The following TBC1D23 variants were observed in gnomAD, a reference collection of about 807,000 sequenced individuals.
TBC1D23 encodes the protein TBC1 domain family member 23, also known as HCV non-structural protein 4A-transactivated protein 1.
A neutral mutation model predicts 91.4 loss-of-function variants in TBC1D23; 55 were observed. The observed-to-expected ratio is 0.60, with a 90% CI of 0.48 to 0.75. The LOEUF is 0.75. Ranked by LOEUF, TBC1D23 falls within the 30% of genes least tolerant of loss-of-function variation. The probability of loss-of-function intolerance (pLI) is 0.00; values close to 1 mark genes in which losing one functional copy is unlikely to be tolerated. For synonymous variants in TBC1D23, 289 were observed against 281.0 expected, an observed-to-expected ratio of 1.03 and a Z score of -0.28; for missense variants, 725 against 836.1, an observed-to-expected ratio of 0.87 and a Z score of 1.64.
rs6809618 is a variant in TBC1D23 at position 100,268,399 on chromosome 3, A to T, written c.53+7328A>T. Among the ~76,000 whole-genome samples the T allele has an allele frequency of 6.8e-3, 1,035 of 151,652 alleles. 15 individuals are homozygous for T. Among genetic ancestry groups the T allele is most frequent in the African/African-American group, 0.024 (995 of 41,336 alleles). On this transcript the variant is annotated intron_variant, in intron 1 of 18. Transcript: ENST00000394144. ...TTCCTTGATGGTTGGAATCCAGCTT[A>T]AAAAAAAACCCAATATGTATTTCTT...
At chr3:100,314,246 G>A (rs985456514) in intron 15 of TBC1D23, among the ~76,000 whole-genome samples, 3 of 151,744 alleles carry the variant, frequency 2.0e-5, no homozygotes, top group South Asian at 2.1e-4. Flanking sequence ...CTACAGGTGC[G>A]TGCCACCACA....
intron 4 of TBC1D23, among the ~76,000 whole-genome samples, chr3:100,285,435 A>G (rs147407909): frequency 1.3e-5 from 2 of 152,016 alleles, no homozygotes; most frequent in African/African-American, 4.8e-5. Flanking sequence ...TTTTTTGCCA[A>G]ATTTTTTATT....
intron 17 of TBC1D23, among the ~76,000 whole-genome samples, chr3:100,319,591 G>A (rs944162322): frequency 2.0e-5 from 3 of 151,926 alleles, no homozygotes; most frequent in Non-Finnish European, 4.4e-5. Flanking sequence ...ACCACCCCCG[G>A]CTAATTTTGT....
Position 100,299,590 on chromosome 3 carries a change from A to G in TBC1D23, c.1092+259A>G, listed in dbSNP as rs140034641. ...AATGGTGCGATCTCGGCTCACTGCA[A>G]CCTCTGCCTCCTGGGTTCAAGCTAT... On this transcript the variant is annotated intron_variant, in intron 10 of 18. Coordinates refer to ENST00000394144, the MANE Select transcript of TBC1D23 (RefSeq NM_001199198.3). Among the ~76,000 whole-genome samples, 712 of 152,080 alleles carry G rather than the reference A, an allele frequency of 4.7e-3. 2 individuals carry two copies. Among genetic ancestry groups the G allele is most frequent in the Non-Finnish European group, 6.4e-3 (432 of 67,972 alleles).
chr3:100,273,632 A>G lies in TBC1D23; in HGVS notation c.54-6017A>G, dbSNP rs917481998. On this transcript the variant is annotated intron_variant, in intron 1 of 18. Transcript: ENST00000394144. ...TGACTTCAAACTACACTACAGGGCTAAAGTAACCAAAACAGCAGGATACTG... is the reference window on the plus strand; with the variant it reads ...TGACTTCAAACTACACTACAGGGCTGAAGTAACCAAAACAGCAGGATACTG... Among the ~76,000 whole-genome samples the G allele has an allele frequency of 3.3e-5, 5 of 152,364 alleles. No homozygotes were observed. In the South Asian group the frequency reaches 8.3e-4, roughly 25 times the overall value.
Position 100,306,486 on chromosome 3 carries a change from A to G in TBC1D23, c.1356A>G (p.Gly452=). 6.2e-7 allele frequency: 1 copy of G among 1,612,798 alleles called. No homozygotes were observed. The highest frequency in any genetic ancestry group is 2.2e-5 in the East Asian group (1 of 44,848). ...ADINVDGPEN[G]YGHWIASTSG... is the part of the protein sequence containing the mutation. ...TTAATGTGGATGGACCAGAAAATGG[A>G]TATGGCCATTGGATTGCTAGTACCT... Residue 452 remains glycine (G), a synonymous_variant, in exon 13 of 19, where the codon GGA becomes GGG. Coordinates refer to ENST00000394144, the MANE Select transcript of TBC1D23 (RefSeq NM_001199198.3).
chr3:100,297,673 A>T (rs1705325040), intron 8 of TBC1D23, among the ~76,000 whole-genome samples: 1 of 145,674 alleles, frequency 6.9e-6, no homozygotes, highest in African/African-American at 2.6e-5. Flanking sequence ...GTGGTAGTAT[A>T]GAAAATAGCT....
chr3:100,294,133 T>C (rs1225514872), intron 5 of TBC1D23, among the ~76,000 whole-genome samples: 1 of 152,206 alleles, frequency 6.6e-6, no homozygotes, highest in Non-Finnish European at 1.5e-5. Context: ...CTAATGAAAG[T>C]TGAATGATCT....
rs151232681 is a variant in TBC1D23 at position 100,300,297 on chromosome 3, C to T, written c.1092+966C>T. Among the ~76,000 whole-genome samples, 711 of 152,050 alleles carry T rather than the reference C, an allele frequency of 4.7e-3. 2 individuals carry two copies. The highest frequency in any genetic ancestry group is 6.3e-3 in the Non-Finnish European group (429 of 67,974). On this transcript the variant is annotated intron_variant, in intron 10 of 18. Transcript: ENST00000394144. ...AAGTCTACCTTTCCCCTTCCCAACT[C>T]GTCTGAAAAATTTGATGCTGAACTG... is the stretch of plus-strand genomic sequence containing the variant.
In TBC1D23 at chr3:100,323,577, TC is replaced by T. The variant is rs1705902864; in HGVS notation, c.2019-5del. On this transcript the variant is annotated splice_polypyrimidine_tract_variant and intron_variant, in intron 18 of 18. Coordinates refer to ENST00000394144, the MANE Select transcript of TBC1D23 (RefSeq NM_001199198.3). The stretch of plus-strand genomic sequence containing the variant: ...TATATGTATATATATGTATTTTTTT[TC>T]CCCCTTAGGTATTTGATTCCAAATG... 2 of 1,411,284 alleles carry T rather than the reference TC, an allele frequency of 1.4e-6. No individual in the cohort carries two copies. The highest frequency in any genetic ancestry group is 2.5e-5 in the Admixed American group (1 of 40,304). 87.4% of individuals were successfully genotyped at this position (1,411,284 alleles called of 1,614,324 possible).
chr3:100,304,141 T>A (rs1285786767), intron 11 of TBC1D23, among the ~76,000 whole-genome samples: 1 of 152,180 alleles, frequency 6.6e-6, no homozygotes, highest in Non-Finnish European at 1.5e-5. Flanking sequence ...TTTCCTTGCA[T>A]GTATTTGTTG....
rs775654243 is a variant in TBC1D23 at position 100,279,735 on chromosome 3, C to T, written c.140C>T (p.Ala47Val). Residue 47 changes from alanine (A) to valine (V), a missense_variant, in exon 2 of 19, where the codon GCT becomes GTT. Coordinates refer to ENST00000394144, the MANE Select transcript of TBC1D23 (RefSeq NM_001199198.3). ...RNIIQGRPLP[A>V]DLRAKVWKIA... ...ATAATTCAAGGAAGACCGCTGCCTGCTGATCTGAGGGCCAAAGTTTGGAAG... is the reference window on the plus strand; with the variant it reads ...ATAATTCAAGGAAGACCGCTGCCTGTTGATCTGAGGGCCAAAGTTTGGAAG... 1.1e-5 allele frequency: 17 copies of T among 1,601,562 alleles called. No homozygotes were observed. The highest frequency in any genetic ancestry group is 1.4e-5 in the Non-Finnish European group (16 of 1,171,100).
intron 18 of TBC1D23, among the ~76,000 whole-genome samples, chr3:100,322,015 G>T (rs1343077625): frequency 1.3e-5 from 2 of 151,468 alleles, no homozygotes; most frequent in Non-Finnish European, 2.9e-5. Context: ...TGTGATATAG[G>T]CTTGTTTTTG....
rs1369261034 is a variant in TBC1D23 at position 100,295,510 on chromosome 3, CTA to C, written c.772+164_772+165del. ...ACTCTCCAGGTACAGACCTTAAAGA[CTA>C]TTTTCCTTTATTTTGCCATCTTCAT... On this transcript the variant is annotated intron_variant, in intron 7 of 18. Coordinates refer to ENST00000394144, the MANE Select transcript of TBC1D23 (RefSeq NM_001199198.3). Among the ~76,000 whole-genome samples, 16 of 152,292 alleles carry C rather than the reference CTA, an allele frequency of 1.1e-4. No individual in the cohort carries two copies. In the East Asian group the frequency reaches 2.9e-3, roughly 27 times the overall value.
At position 100,304,904 on chromosome 3, in the gene TBC1D23, A is replaced by C. The variant is rs756710478; in HGVS notation, c.1306+16A>C. On this transcript the variant is annotated intron_variant, in intron 12 of 18. Transcript: ENST00000394144. ...GGATTTATGGGTAAGATTTTGATTT[A>C]TTAGTTTTTTTCCTCTATGTTTCAG... 46 of 1,409,644 alleles carry C rather than the reference A, an allele frequency of 3.3e-5. No homozygotes were observed. The highest frequency in any genetic ancestry group is 4.2e-5 in the Non-Finnish European group (42 of 996,684). 87.3% of individuals were successfully genotyped at this position (1,409,644 alleles called of 1,614,324 possible). A position where few individuals can be genotyped will look rare whatever the true frequency, so the allele number is the denominator to read the frequency against.
chr3:100,316,243 C>G, intron 16 of TBC1D23, 56 bp downstream of exon 16: 1 of 1,252,430 alleles, frequency 8.0e-7, no homozygotes. Flanking sequence ...GTGATTACAG[C>G]AGTCATTCTG....
intron 16 of TBC1D23, 108 bp downstream of exon 16, chr3:100,316,295 G>A (rs1190637097): frequency 5.1e-6 from 4 of 781,072 alleles, no homozygotes; most frequent in African/African-American, 3.5e-5. Flanking sequence ...ATGAGATTCT[G>A]TAGAAATAAT....
chr3:100,291,891 A>G (rs1483003082), intron 5 of TBC1D23, among the ~76,000 whole-genome samples: 1 of 145,450 alleles, frequency 6.9e-6, no homozygotes. Flanking sequence ...TCAGCCTCCC[A>G]AGTAGCTTGG....
At chr3:100,290,507 G>A in intron 4 of TBC1D23, 71 bp from the exon 5 acceptor site, 1 of 1,405,708 alleles carries the variant, frequency 7.1e-7, no homozygotes, top group East Asian at 2.3e-5. Context: ...GGTATAGCAG[G>A]AAGATTGGTT....
Sources: allele counts gnomAD v4.1 joint callset (sites outside exome capture counted in the v4.1 genomes callset), GRCh38; gene constraint gnomAD v4.1.1; transcripts MANE v1.5; gene names NCBI Gene and HGNC (gene_info 2026-07-23, HGNC 2026-07-21).